Variants in CPEB4 observed in about 807,000 individuals in gnomAD.
The protein encoded by CPEB4 is cytoplasmic polyadenylation element-binding protein 4.
A neutral mutation model predicts 72.5 loss-of-function variants in CPEB4; 12 were observed. That is an observed-to-expected ratio of 0.17 (90% CI 0.11 to 0.27). CPEB4 has a LOEUF of 0.27. Among genes scored for constraint, CPEB4 ranks in the 10% least tolerant of loss-of-function variants. CPEB4 has a pLI of 1.00. For missense variants in CPEB4, 614 were observed against 908.5 expected, an observed-to-expected ratio of 0.68 and a Z score of 4.17; for synonymous variants, 302 against 326.3, an observed-to-expected ratio of 0.93 and a Z score of 0.80.
At chr5:173,933,929 T>C (rs918429534) in intron 3 of CPEB4, among the ~76,000 whole-genome samples, 5 of 152,158 alleles carry the variant, frequency 3.3e-5, no homozygotes, top group African/African-American at 7.2e-5. Flanking sequence ...CCACCTGTAA[T>C]CCCAGCACTT....
chr5:173,931,558 G>A (rs1371439274), intron 2 of CPEB4, among the ~76,000 whole-genome samples: 1 of 152,198 alleles, frequency 6.6e-6, no homozygotes, highest in Non-Finnish European at 1.5e-5. Flanking sequence ...CTCAAGGTGG[G>A]TGCAGATGGC....
intron 1 of CPEB4, among the ~76,000 whole-genome samples, chr5:173,897,139 A>G (rs1191503471): frequency 2.6e-5 from 4 of 152,222 alleles, no homozygotes; most frequent in African/African-American, 9.6e-5. Flanking sequence ...GCAACCCCAG[A>G]CAGATAAAAT....
intron 2 of CPEB4, among the ~76,000 whole-genome samples, chr5:173,917,738 AAAG>A (rs1442644559): frequency 4.4e-4 from 67 of 152,272 alleles, no homozygotes; most frequent in African/African-American, 1.5e-3. Flanking sequence ...AAGAAATAAA[AAAG>A]AAGAAGAAAT....
chr5:173,926,911 G>A (rs1757260602), intron 2 of CPEB4, among the ~76,000 whole-genome samples: 1 of 152,172 alleles, frequency 6.6e-6, no homozygotes. Context: ...CACTGTGGGA[G>A]GCTGAGGTGG....
rs1359442033 is a variant in CPEB4 at position 173,900,812 on chromosome 5, A to G, written c.1126-9711A>G. On this transcript the variant is annotated intron_variant, in intron 1 of 9. Coordinates refer to ENST00000265085, the MANE Select transcript of CPEB4 (RefSeq NM_030627.4). The surrounding 1 kb of genome is among the most constrained non-coding windows in gnomAD (Gnocchi z 4.4). ...TTATTGAATGAGTTCACTAACCGCC[A>G]TGCTTTGTGCTCCTGCTGCCCATAT... is the stretch of plus-strand genomic sequence containing the variant. Among the ~76,000 whole-genome samples the G allele has an allele frequency of 6.6e-6, 1 of 152,176 alleles. No homozygotes were observed. The highest frequency in any genetic ancestry group is 1.5e-5 in the Non-Finnish European group (1 of 68,032).
intron 2 of CPEB4, among the ~76,000 whole-genome samples, chr5:173,912,801 G>C (rs1233201093): frequency 6.7e-6 from 1 of 150,330 alleles, no homozygotes; most frequent in African/African-American, 2.4e-5. Flanking sequence ...AATTAGCCAG[G>C]CATAGCAACC....
At chr5:173,940,416 ATCTG>A (rs1757797142) in intron 3 of CPEB4, among the ~76,000 whole-genome samples, 1 of 152,248 alleles carries the variant, frequency 6.6e-6, no homozygotes, top group Admixed American at 6.5e-5. Context: ...GAGATTGGAA[ATCTG>A]TCTGACATTT....
intron 3 of CPEB4, among the ~76,000 whole-genome samples, chr5:173,935,589 A>G (rs1757591852): frequency 6.6e-6 from 1 of 152,200 alleles, no homozygotes. Flanking sequence ...TTCGATAAAA[A>G]TGTAGAGCAG....
chr5:173,944,236 T>C (rs1004478767), intron 4 of CPEB4, among the ~76,000 whole-genome samples: 1 of 152,200 alleles, frequency 6.6e-6, no homozygotes, highest in African/African-American at 2.4e-5. Context: ...CACAATGAAG[T>C]TGGAATATAA....
intron 1 of CPEB4, among the ~76,000 whole-genome samples, chr5:173,907,738 T>G (rs1171128963): frequency 1.3e-5 from 2 of 152,240 alleles, no homozygotes; most frequent in African/African-American, 4.8e-5. Context: ...GGACAGTGCT[T>G]CTTAACCAGT....
chr5:173,937,554 C>G (rs1007152694), intron 3 of CPEB4, among the ~76,000 whole-genome samples: 5 of 152,138 alleles, frequency 3.3e-5, no homozygotes, highest in Admixed American at 1.3e-4. Flanking sequence ...TGAAAACAAA[C>G]TGTAAACTCT....
At chr5:173,943,908 T>G (rs1757931350) in intron 4 of CPEB4, among the ~76,000 whole-genome samples, 1 of 152,230 alleles carries the variant, frequency 6.6e-6, no homozygotes, top group Non-Finnish European at 1.5e-5. Flanking sequence ...AAATTCCTCA[T>G]GTAGTACCTA....
chr5:173,919,627 G>GTCTTA (rs1172769015), intron 2 of CPEB4, among the ~76,000 whole-genome samples: 2 of 152,318 alleles, frequency 1.3e-5, no homozygotes, highest in Non-Finnish European at 2.9e-5. Context: ...GTCTATGAAG[G>GTCTTA]TCTTAAGGCT....
intron 1 of CPEB4, among the ~76,000 whole-genome samples, chr5:173,898,915 T>G (rs921977735): frequency 8.5e-5 from 13 of 152,170 alleles, no homozygotes; most frequent in Non-Finnish European, 1.6e-4. Flanking sequence ...ATCCGCTCGC[T>G]TTGGCCTCCG....
At chr5:173,919,082 C>T (rs359416) in intron 2 of CPEB4, among the ~76,000 whole-genome samples, 96,673 of 151,894 alleles carry the variant, frequency 0.64, 31,787 homozygotes, top group Non-Finnish European at 0.73. Flanking sequence ...AGTAAAGTTC[C>T]CTTATAATAT....
At chr5:173,937,806 G>A (rs141152899) in intron 3 of CPEB4, among the ~76,000 whole-genome samples, 226 of 152,248 alleles carry the variant, frequency 1.5e-3, no homozygotes, top group African/African-American at 5.0e-3. Flanking sequence ...TGCATTCTCT[G>A]CTCTTTTCTA....
At chr5:173,927,022 G>A (rs555038000) in intron 2 of CPEB4, among the ~76,000 whole-genome samples, 2 of 152,202 alleles carry the variant, frequency 1.3e-5, no homozygotes, top group East Asian at 1.9e-4. Flanking sequence ...ATGATGGCGG[G>A]TGCCAGTAAT....
chr5:173,935,324 T>C (rs1757582777), intron 3 of CPEB4, among the ~76,000 whole-genome samples: 1 of 152,202 alleles, frequency 6.6e-6, no homozygotes, highest in South Asian at 2.1e-4. Flanking sequence ...ATGCATTCCC[T>C]TCATGTCTTG....
Position 173,959,651 on chromosome 5 carries a change from T to C in CPEB4, c.*3514T>C, listed in dbSNP as rs1338252539. On this transcript the variant is annotated 3_prime_UTR_variant, in exon 10 of 10. Coordinates refer to ENST00000265085, the MANE Select transcript of CPEB4 (RefSeq NM_030627.4). Reference sequence around the variant, plus strand: ...GAGTAATCCTCTTTCTTGCTGGTGTTTCTAAAGAAAAGAATCAGAAATCAA... The same window carrying C: ...GAGTAATCCTCTTTCTTGCTGGTGTCTCTAAAGAAAAGAATCAGAAATCAA... The C allele has an allele frequency of 6.5e-6, 1 of 152,746 alleles. No individual in the cohort carries two copies. Among genetic ancestry groups the C allele is most frequent in the Non-Finnish European group, 1.5e-5 (1 of 68,008 alleles). The allele number at this position is 152,746 out of a possible 1,614,324, so 9.5% of individuals were successfully genotyped here. A position where few individuals can be genotyped will look rare whatever the true frequency, so the allele number is the denominator to read the frequency against.
Sources: gnomAD v4.1 joint callset for allele counts (sites outside exome capture counted in the v4.1 genomes callset) on GRCh38, gnomAD v4.1.1 for gene constraint, Gnocchi (gnomAD v3.1) non-coding constraint, MANE v1.5 for transcripts, NCBI Gene and HGNC (gene_info 2026-07-23, HGNC 2026-07-21) for gene names.